The following ARID4B variants were observed in gnomAD, a reference collection of about 807,000 sequenced individuals.
ARID4B encodes AT-rich interaction domain 4B.
A neutral mutation model predicts 147.5 loss-of-function variants in ARID4B; 26 were observed. The observed-to-expected ratio is 0.18, with a 90% CI of 0.13 to 0.24. ARID4B has a LOEUF of 0.24. ARID4B is among the 10% of genes least tolerant of loss of function. The probability of loss-of-function intolerance (pLI) is 1.00; values close to 1 mark genes in which losing one functional copy is unlikely to be tolerated. For missense variants in ARID4B, 1,179 were observed against 1,511.5 expected, an observed-to-expected ratio of 0.78 and a Z score of 3.65; for synonymous variants, 512 against 507.9, an observed-to-expected ratio of 1.01 and a Z score of -0.11.
chr1:235,182,236 A>G lies in ARID4B; in HGVS notation c.2683T>C (p.Tyr895His). Residue 895 changes from tyrosine (Y) to histidine (H), a missense_variant, in exon 20 of 24, where the codon TAT (tyrosine) becomes CAT (histidine). By Grantham distance (83) the Tyr-to-His change is moderately conservative. Transcript: ENST00000264183. ...TCTGCCACTTCTGAAAATCCTGAAT[A>G]GAAACCAGTTGTCCGTAGAGATTTT... ...KRKSLRTTGF[Y>H]SGFSEVAEKR... 1 of 1,613,426 alleles carries G rather than the reference A, an allele frequency of 6.2e-7. No individual in the cohort carries two copies. Among genetic ancestry groups the G allele is most frequent in the Non-Finnish European group, 8.5e-7 (1 of 1,179,900 alleles).
intron 2 of ARID4B, among the ~76,000 whole-genome samples, chr1:235,280,068 T>A (rs1017962189): frequency 3.3e-5 from 5 of 152,206 alleles, no homozygotes; most frequent in Admixed American, 6.5e-5. Flanking sequence ...GCGCACCTTG[T>A]GAATTACCAA....
At chr1:235,303,567 C>A (rs182923820) in intron 2 of ARID4B, among the ~76,000 whole-genome samples, 1 of 151,930 alleles carries the variant, frequency 6.6e-6, no homozygotes, top group African/African-American at 2.4e-5. Context: ...CTAAAAAAAA[C>A]GAGAAACAGC....
At chr1:235,189,913 A>C in intron 19 of ARID4B, 1 of 154,390 alleles carries the variant, frequency 6.5e-6, no homozygotes, top group African/African-American at 2.4e-5. Context: ...AAAGGAGAGA[A>C]CAGTAAAATG....
intron 2 of ARID4B, among the ~76,000 whole-genome samples, chr1:235,290,992 A>G (rs1169359995): frequency 6.6e-6 from 1 of 152,140 alleles, no homozygotes; most frequent in Non-Finnish European, 1.5e-5. Flanking sequence ...CCACCTGTTC[A>G]GGAGGCTGAG....
intron 2 of ARID4B, among the ~76,000 whole-genome samples, chr1:235,270,469 T>C (rs55947661): frequency 1.1e-5 from 1 of 93,026 alleles, no homozygotes; most frequent in Non-Finnish European, 2.3e-5. Context: ...AAACCTAAGC[T>C]ACTTTAGGTT....
chr1:235,219,719 T>TA, intron 16 of ARID4B, 74 bp downstream of exon 16: 1 of 1,220,066 alleles, frequency 8.2e-7, no homozygotes, highest in East Asian at 2.4e-5. Context: ...GATTCATACA[T>TA]AAACACATAC....
At chr1:235,190,460 G>GA (rs11409901) in intron 19 of ARID4B, among the ~76,000 whole-genome samples, 63,174 of 145,128 alleles carry the variant, frequency 0.44, 13,853 homozygotes, top group South Asian at 0.61. Flanking sequence ...AAAAAGAAAA[G>GA]AAAAAAAAAA....
chr1:235,213,776 T>C lies in ARID4B; in HGVS notation c.1834A>G (p.Asn612Asp). 6.2e-7 allele frequency: 1 copy of C among 1,611,374 alleles called. No individual in the cohort carries two copies. The highest frequency in any genetic ancestry group is 8.5e-7 in the Non-Finnish European group (1 of 1,178,116). ...VLYLVHYCGW[N>D]VRYDEWIKAD... The stretch of plus-strand genomic sequence containing the variant: ...AGCTAAAACTCAAGTTACCTCACAT[T>C]CCATCCGCAGTAATGCACCAAGTAA... The change falls in exon 17 of 24, where the codon AAT becomes GAT. Residue 612 changes from asparagine to aspartate, a missense_variant. By Grantham distance (23) the Asn-to-Asp change is conservative. Transcript: ENST00000264183.
chr1:235,242,396 AACG>A (rs1314425487), intron 7 of ARID4B, among the ~76,000 whole-genome samples: 1 of 152,246 alleles, frequency 6.6e-6, no homozygotes, highest in Non-Finnish European at 1.5e-5. Context: ...TTGGGACAGT[AACG>A]ACAGTCCTCA....
intron 17 of ARID4B, among the ~76,000 whole-genome samples, chr1:235,211,262 C>T (rs531265160): frequency 4.1e-4 from 63 of 152,116 alleles, no homozygotes; most frequent in African/African-American, 1.4e-3. Flanking sequence ...ACCCGGGAGG[C>T]GGAGGCTGCG....
At chr1:235,296,868 A>AAAGAGGGAG (rs1553314013) in intron 2 of ARID4B, among the ~76,000 whole-genome samples, 5 of 144,610 alleles carry the variant, frequency 3.5e-5, no homozygotes, top group South Asian at 2.2e-4. Flanking sequence ...GAAGGGAGAG[A>AAAGAGGGAG]GTACTTCCTG....
At chr1:235,249,718 T>G (rs1572076001) in intron 6 of ARID4B, among the ~76,000 whole-genome samples, 1 of 150,538 alleles carries the variant, frequency 6.6e-6, no homozygotes, top group South Asian at 2.1e-4. Flanking sequence ...GAGGCGGGCG[T>G]ATCACGAGGT....
intron 2 of ARID4B, among the ~76,000 whole-genome samples, chr1:235,312,157 G>T (rs574473866): frequency 2.6e-5 from 4 of 151,682 alleles, no homozygotes; most frequent in Admixed American, 2.6e-4. Flanking sequence ...GTGGTGGCGC[G>T]CACCTGTAGT....
chr1:235,319,392 G>A (rs1674664226), intron 2 of ARID4B, among the ~76,000 whole-genome samples: 1 of 152,072 alleles, frequency 6.6e-6, no homozygotes, highest in Non-Finnish European at 1.5e-5. Flanking sequence ...TGCACCTCTG[G>A]TCCCAGCTAC....
intron 16 of ARID4B, among the ~76,000 whole-genome samples, chr1:235,215,550 T>TGTGTGTGTGC (rs1667008326): frequency 7.2e-6 from 1 of 138,502 alleles, no homozygotes; most frequent in Non-Finnish European, 1.6e-5. Context: ...CATATATATG[T>TGTGTGTGTGC]GTGTGTGTGT....
rs1051000954 is a variant in ARID4B, at chr1:235,185,123, CTTA to C, written c.2126-2333_2126-2331del. On this transcript the variant is annotated intron_variant, in intron 19 of 23. Transcript: ENST00000264183. ...TGAGCCAACGTCCCTGGCCTGCTGA[CTTA>C]TTTATAAAGTTTATCCTCTATGAGC... is the stretch of plus-strand genomic sequence containing the variant. Among the ~76,000 whole-genome samples the C allele has an allele frequency of 3.0e-4, 46 of 152,250 alleles. No homozygotes were observed. The East Asian group carries it at 8.1e-3, about 27-fold the overall frequency.
At chr1:235,268,388 C>CAG (rs1670755181) in intron 2 of ARID4B, among the ~76,000 whole-genome samples, 1 of 147,344 alleles carries the variant, frequency 6.8e-6, no homozygotes, top group African/African-American at 2.5e-5. Flanking sequence ...CACACACACA[C>CAG]AGAAAAATAA....
At chr1:235,269,955 T>C (rs1670868330) in intron 2 of ARID4B, among the ~76,000 whole-genome samples, 1 of 152,160 alleles carries the variant, frequency 6.6e-6, no homozygotes, top group South Asian at 2.1e-4. Context: ...TTGTCTGTTT[T>C]TTTTGCTGGA....
intron 2 of ARID4B, among the ~76,000 whole-genome samples, chr1:235,326,323 A>C (rs1276226674): frequency 2.0e-5 from 3 of 152,176 alleles, no homozygotes; most frequent in African/African-American, 4.8e-5. Context: ...CACACATCAT[A>C]ATGCAACAGA....
Sources: allele counts gnomAD v4.1 joint callset (sites outside exome capture counted in the v4.1 genomes callset), GRCh38; gene constraint gnomAD v4.1.1; transcripts MANE v1.5; gene names NCBI Gene and HGNC (gene_info 2026-07-23, HGNC 2026-07-21).